Variants in SH3BGRL2 observed in about 807,000 individuals in gnomAD.
The protein encoded by SH3BGRL2 is SH3 domain binding glutamate rich protein like 2.
SH3BGRL2 carries 21 observed loss-of-function variants against 14.8 expected under a neutral mutation model. The ratio of observed to expected loss-of-function variants is 1.42; its 90% CI spans 1.01 to 2.05. The LOEUF (loss-of-function observed/expected upper bound fraction) is 2.05, where lower values mean the gene tolerates loss of function less well. Among genes scored for constraint, SH3BGRL2 ranks in the 30% most tolerant of loss-of-function variants. The pLI, the probability that SH3BGRL2 is intolerant of heterozygous loss-of-function variation, is 0.00. For synonymous variants in SH3BGRL2, 50 were observed against 47.8 expected (o/e 1.05, Z -0.19); for missense variants, 147 against 130.8 (o/e 1.12, Z -0.61).
chr6:79,691,001 A>G (rs1770202926), intron 2 of SH3BGRL2, among the ~76,000 whole-genome samples: 1 of 152,160 alleles, frequency 6.6e-6, no homozygotes, highest in Middle Eastern at 3.2e-3. Flanking sequence ...ACAGAAAATG[A>G]AACAATAGCT....
chr6:79,546,732 T>A, the SH3BGRL2 span, among the ~76,000 whole-genome samples: 148 of 152,036 alleles, frequency 9.7e-4, no homozygotes, highest in African/African-American at 3.5e-3. Context: ...GAAGTCTTCT[T>A]CTGTCACCAG....
chr6:79,572,725 A>G, the SH3BGRL2 span, among the ~76,000 whole-genome samples: 8 of 152,098 alleles, frequency 5.3e-5, no homozygotes, highest in Admixed American at 1.3e-4. Flanking sequence ...TTGGCCTCCA[A>G]AAGTGCTGGG....
chr6:79,594,136 TAATA>T, the SH3BGRL2 span, among the ~76,000 whole-genome samples: 14 of 152,044 alleles, frequency 9.2e-5, no homozygotes, highest in South Asian at 2.1e-4. Context: ...TTAACAGAAA[TAATA>T]AATATTATAA....
At chr6:79,592,998 A>G in the SH3BGRL2 span, among the ~76,000 whole-genome samples, 1 of 152,140 alleles carries the variant, frequency 6.6e-6, no homozygotes, top group Admixed American at 6.6e-5. Context: ...TGATTGAGAT[A>G]TTTACAAATA....
intron 1 of SH3BGRL2, among the ~76,000 whole-genome samples, chr6:79,667,225 A>G (rs558871605): frequency 1.8e-3 from 271 of 152,356 alleles, no homozygotes; most frequent in African/African-American, 6.1e-3. Context: ...AGTTAGGTAC[A>G]AAAACGGGAA....
chr6:79,611,794 A>T, the SH3BGRL2 span, among the ~76,000 whole-genome samples: 1 of 152,134 alleles, frequency 6.6e-6, no homozygotes, highest in Non-Finnish European at 1.5e-5. Context: ...TCCAGTAACA[A>T]CTCAGCCATT....
chr6:79,655,314 G>A (rs780298886), intron 1 of SH3BGRL2, among the ~76,000 whole-genome samples: 14 of 152,136 alleles, frequency 9.2e-5, no homozygotes, highest in East Asian at 1.9e-4. Context: ...CCATGGGTAC[G>A]ATTGAGCAGA....
At chr6:79,624,250 A>G in the SH3BGRL2 span, among the ~76,000 whole-genome samples, 1 of 150,492 alleles carries the variant, frequency 6.6e-6, no homozygotes, top group Non-Finnish European at 1.5e-5. Flanking sequence ...AAAAATGTAT[A>G]TATATTGAAT....
chr6:79,576,924 G>A, the SH3BGRL2 span, among the ~76,000 whole-genome samples: 1 of 152,056 alleles, frequency 6.6e-6, no homozygotes, highest in Non-Finnish European at 1.5e-5. Context: ...ACGTTTTTAC[G>A]AATCATCCAT....
chr6:79,605,307 T>C, the SH3BGRL2 span, among the ~76,000 whole-genome samples: 32 of 152,150 alleles, frequency 2.1e-4, no homozygotes, highest in African/African-American at 7.2e-4. Flanking sequence ...GCCACATGAA[T>C]GATGTCAGAA....
intron 1 of SH3BGRL2, 53 bp from the exon 2 acceptor site, chr6:79,673,561 A>G (rs1769817457): frequency 1.3e-6 from 2 of 1,561,338 alleles, no homozygotes; most frequent in Non-Finnish European, 1.8e-6. Flanking sequence ...GGAAGTATAT[A>G]CATACTGTTT....
the SH3BGRL2 span, among the ~76,000 whole-genome samples, chr6:79,569,204 T>C: frequency 6.6e-6 from 1 of 152,212 alleles, no homozygotes; most frequent in Non-Finnish European, 1.5e-5. Flanking sequence ...TCAAAGAATT[T>C]CTGATTGGCA....
the SH3BGRL2 span, among the ~76,000 whole-genome samples, chr6:79,600,139 C>A: frequency 6.6e-6 from 1 of 152,208 alleles, no homozygotes; most frequent in Non-Finnish European, 1.5e-5. Flanking sequence ...TCAGCACAAG[C>A]ATTATTCTAT....
At chr6:79,540,136 T>TA in the SH3BGRL2 span, among the ~76,000 whole-genome samples, 1 of 152,088 alleles carries the variant, frequency 6.6e-6, no homozygotes, top group African/African-American at 2.4e-5. Context: ...GAGTTGGGTG[T>TA]AAAGAACAGT....
chr6:79,648,552 CA>C (rs1769194336), intron 1 of SH3BGRL2, among the ~76,000 whole-genome samples: 1 of 151,410 alleles, frequency 6.6e-6, no homozygotes, highest in Non-Finnish European at 1.5e-5. Flanking sequence ...TTTTTTCTTC[CA>C]CCTCCCTCCA....
chr6:79,554,006 A>G, the SH3BGRL2 span, among the ~76,000 whole-genome samples: 1 of 151,850 alleles, frequency 6.6e-6, no homozygotes, highest in South Asian at 2.1e-4. Context: ...AGAAAATTAT[A>G]TGGTCTGACC....
chr6:79,634,962 G>A (rs1429378488), intron 1 of SH3BGRL2, among the ~76,000 whole-genome samples: 2 of 152,152 alleles, frequency 1.3e-5, no homozygotes, highest in African/African-American at 4.8e-5. Flanking sequence ...CTGGAAAGGG[G>A]GAGCTTTGGG....
At chr6:79,550,481 A>G in the SH3BGRL2 span, among the ~76,000 whole-genome samples, 4 of 152,124 alleles carry the variant, frequency 2.6e-5, no homozygotes, top group Non-Finnish European at 5.9e-5. Context: ...CCTCTTATTT[A>G]TCACAACCAG....
At chr6:79,568,831 T>C in the SH3BGRL2 span, among the ~76,000 whole-genome samples, 1 of 152,224 alleles carries the variant, frequency 6.6e-6, no homozygotes, top group African/African-American at 2.4e-5. Context: ...ATTTTATTTT[T>C]CTTATCTATA....
Sources: allele counts gnomAD v4.1 joint callset (sites outside exome capture counted in the v4.1 genomes callset), GRCh38; gene constraint gnomAD v4.1.1; transcripts MANE v1.5; gene names NCBI Gene and HGNC (gene_info 2026-07-23, HGNC 2026-07-21).